Variants in REXO5 observed in about 807,000 individuals in gnomAD.
The protein encoded by REXO5 is RNA exonuclease 5, also known as exonuclease NEF-sp.
Under a neutral mutation model 88.5 loss-of-function variants are expected in REXO5, and 48 were observed. The observed-to-expected ratio is 0.54, with a 90% CI of 0.43 to 0.69. The LOEUF is 0.69. Ranked by LOEUF, REXO5 falls within the 30% of genes least tolerant of loss-of-function variation. The pLI is 0.00. For missense variants in REXO5, 749 were observed against 912.2 expected, an observed-to-expected ratio of 0.82 and a Z score of 2.30; for synonymous variants, 311 against 336.5, an observed-to-expected ratio of 0.92 and a Z score of 0.83.
Position 20,849,600 on chromosome 16 carries a change from TAA to T in REXO5, c.*123_*124del, listed in dbSNP as rs569362035. On this transcript the variant is annotated 3_prime_UTR_variant, in exon 20 of 20. Transcript: ENST00000261377. ...CTTTATGGAAACTTGGTATAGCAGC[TAA>T]AAGAGTTTAGTTTGTTTATATGGCA... 5.4e-4 allele frequency: 432 copies of T among 805,736 alleles called. 3 individuals are homozygous for T. In the East Asian group the frequency reaches 0.011, roughly 20 times the overall value. 49.9% of individuals were successfully genotyped at this position (805,736 alleles called of 1,614,324 possible).
intron 13 of REXO5, among the ~76,000 whole-genome samples, chr16:20,838,129 T>G (rs1225426908): frequency 6.6e-6 from 1 of 152,186 alleles, no homozygotes; most frequent in African/African-American, 2.4e-5. Flanking sequence ...TTTTACTGAT[T>G]TGTTTTTGAA....
At chr16:20,819,382 TCTTTCCTTTCCTTTCCTTTCTTTTC>T (rs2081131469) in intron 5 of REXO5, among the ~76,000 whole-genome samples, 1 of 151,854 alleles carries the variant, frequency 6.6e-6, no homozygotes, top group South Asian at 2.1e-4. Context: ...TTTCTTCATT[TCTTTCCTTTCCTTTCCTTTCTTTTC>T]CTTTCCTTTC....
At chr16:20,842,919 A>T (rs1399122399) in intron 15 of REXO5, among the ~76,000 whole-genome samples, 2 of 152,230 alleles carry the variant, frequency 1.3e-5, no homozygotes, top group Admixed American at 6.5e-5. Flanking sequence ...GAACCATTAT[A>T]CTGTTTTCCA....
chr16:20,832,115 T>C, intron 11 of REXO5, 41 bp from the exon 12 acceptor site: 1 of 1,324,130 alleles, frequency 7.6e-7, no homozygotes, highest in Non-Finnish European at 1.1e-6. Context: ...CATCAAATGC[T>C]CTGCAAGCAA....
At chr16:20,831,608 TA>T (rs2081346522) in intron 11 of REXO5, among the ~76,000 whole-genome samples, 1 of 152,222 alleles carries the variant, frequency 6.6e-6, no homozygotes, top group Non-Finnish European at 1.5e-5. Flanking sequence ...AGTTTATTTT[TA>T]AAATTTGTAA....
At chr16:20,820,213 A>C (rs1309634025) in intron 5 of REXO5, among the ~76,000 whole-genome samples, 4 of 152,030 alleles carry the variant, frequency 2.6e-5, no homozygotes, top group African/African-American at 4.8e-5. Context: ...TCCTATGCTC[A>C]TCTCTTGCAC....
In REXO5 at chr16:20,827,061, T is replaced by C; in HGVS notation, c.825T>C (p.Phe275=). The change falls in exon 9 of 20, where the codon TTT becomes TTC. Residue 275 remains phenylalanine (F), a synonymous_variant. Coordinates refer to ENST00000261377, the MANE Select transcript of REXO5 (RefSeq NM_030941.3). ...ENKILDYLTS[F]SGITKKILNP... is the part of the protein sequence containing the mutation. ...ATTTCTCTTTTTTTAATGAAAGCTT[T>C]TCGGGAATCACGAAGAAGATTCTTA... 5 of 1,613,908 alleles carry C rather than the reference T, an allele frequency of 3.1e-6. No homozygotes were observed. The highest frequency in any genetic ancestry group is 4.2e-6 in the Non-Finnish European group (5 of 1,179,904).
At chr16:20,837,891 A>G (rs11863657) in intron 13 of REXO5, among the ~76,000 whole-genome samples, 103,964 of 151,890 alleles carry the variant, frequency 0.68, 36,054 homozygotes, top group Non-Finnish European at 0.73. Context: ...TCAGCCACCC[A>G]AGTAGCTGGG....
rs776851247 is a variant in REXO5, at chr16:20,832,141, TTTG to T, written c.1159-12_1159-10del. The T allele has an allele frequency of 6.5e-7, 1 of 1,537,422 alleles. No individual in the cohort carries two copies. The highest frequency in any genetic ancestry group is 8.9e-7 in the Non-Finnish European group (1 of 1,121,480). On this transcript the variant is annotated splice_polypyrimidine_tract_variant and intron_variant, in intron 11 of 19. Transcript: ENST00000261377. The stretch of plus-strand genomic sequence containing the variant: ...CTGCAAGCAATTATATTTTTACCAC[TTTG>T]TTTTCTTCAAGATTGCAGAACTAAA...
At chr16:20,846,578 CT>C (rs1286750403) in intron 19 of REXO5, among the ~76,000 whole-genome samples, 41 of 152,308 alleles carry the variant, frequency 2.7e-4, no homozygotes, top group African/African-American at 9.9e-4. Flanking sequence ...AACCAGGAGT[CT>C]TATGTCCTTA....
Position 20,827,463 on chromosome 16 carries a change from T to C in REXO5, c.1055+16T>C. The C allele has an allele frequency of 6.4e-7, 1 of 1,571,794 alleles. No homozygotes were observed. Among genetic ancestry groups the C allele is most frequent in the South Asian group, 1.1e-5 (1 of 89,720 alleles). The stretch of plus-strand genomic sequence containing the variant: ...TTATTTTGGGGTAGGTTTGCTTATA[T>C]GCTGTAATATTGTTCTGACAAACTG... On this transcript the variant is annotated intron_variant, in intron 10 of 19. Coordinates refer to ENST00000261377, the MANE Select transcript of REXO5 (RefSeq NM_030941.3).
chr16:20,806,529 T>C lies in REXO5; in HGVS notation c.-179T>C, dbSNP rs1487174144. On this transcript the variant is annotated 5_prime_UTR_variant, in exon 1 of 20. Transcript: ENST00000261377. ...GCCCGCGAGGCTGAGGGGCGGTTGT[T>C]GTTGGCAGCTGTGGCTAAGGAGGGG... 6.5e-7 allele frequency: 1 copy of C among 1,531,412 alleles called. No individual in the cohort carries two copies. The highest frequency in any genetic ancestry group is 8.8e-7 in the Non-Finnish European group (1 of 1,140,550). The allele number at this position is 1,531,412 out of a possible 1,614,324, so 94.9% of individuals were successfully genotyped here.
In REXO5 at chr16:20,821,841, G is replaced by A; in HGVS notation, c.555G>A (p.Val185=). Residue 185 remains valine (V), a synonymous_variant, in exon 6 of 20, where the codon GTG becomes GTA. Transcript: ENST00000261377. The part of the protein sequence containing the change: ...PIIQKYGSKK[V]GLTRCLLTKE... ...TTCAAAAGTATGGCTCTAAGAAAGTGGGCTTGACCAGATGCCTTCTGACAA... is the reference window on the plus strand; with the variant it reads ...TTCAAAAGTATGGCTCTAAGAAAGTAGGCTTGACCAGATGCCTTCTGACAA... 2 of 1,607,176 alleles carry A rather than the reference G, an allele frequency of 1.2e-6. No individual in the cohort carries two copies. Among genetic ancestry groups the A allele is most frequent in the South Asian group, 2.2e-5 (2 of 89,746 alleles).
intron 7 of REXO5, 134 bp from the exon 8 acceptor site, chr16:20,825,699 C>G (rs1170964039): frequency 3.2e-6 from 2 of 633,560 alleles, no homozygotes; most frequent in Non-Finnish European, 5.5e-6. Flanking sequence ...ACTAGATCCT[C>G]TAGAAAGCAA....
At chr16:20,817,271 C>T (rs747444465) in intron 5 of REXO5, among the ~76,000 whole-genome samples, 5 of 152,156 alleles carry the variant, frequency 3.3e-5, no homozygotes, top group African/African-American at 4.8e-5. Context: ...CTCATGGATG[C>T]CCATTTTTGA....
intron 13 of REXO5, among the ~76,000 whole-genome samples, chr16:20,834,349 G>A (rs916533941): frequency 4.6e-5 from 7 of 152,276 alleles, no homozygotes; most frequent in South Asian, 4.1e-4. Flanking sequence ...TCGCTTGAGC[G>A]CAGGAGGTTG....
chr16:20,824,670 TCA>T, intron 7 of REXO5, 143 bp downstream of exon 7: 1 of 643,154 alleles, frequency 1.6e-6, no homozygotes, highest in Non-Finnish European at 2.7e-6. Flanking sequence ...GTCCTTTTAC[TCA>T]CACTTTAGAA....
chr16:20,847,907 G>A (rs951145597), intron 19 of REXO5, among the ~76,000 whole-genome samples: 3 of 152,164 alleles, frequency 2.0e-5, no homozygotes, highest in Non-Finnish European at 4.4e-5. Flanking sequence ...CCAAATCATT[G>A]TTCTTCCTGG....
chr16:20,833,009 A>C lies in REXO5; in HGVS notation c.1269A>C (p.Leu423Phe). 6.2e-7 allele frequency: 1 copy of C among 1,613,286 alleles called. No homozygotes were observed. Among genetic ancestry groups the C allele is most frequent in the Non-Finnish European group, 8.5e-7 (1 of 1,179,656 alleles). The change falls in exon 13 of 20, where the codon TTA becomes TTC. Residue 423 changes from leucine (L) to phenylalanine (F), a missense_variant. Leu to Phe is a conservative substitution (Grantham distance 22, BLOSUM62 0). Transcript: ENST00000261377. The stretch of plus-strand genomic sequence containing the variant: ...CTCTTCTACTTCTTTATAGTGTTTT[A>C]GAATGCTTGGATTCAGTGGGTCAGA... The part of the protein sequence containing the change: ...EVLQHPNTSV[L>F]ECLDSVGQKL...
Sources: allele counts gnomAD v4.1 joint callset (sites outside exome capture counted in the v4.1 genomes callset), GRCh38; gene constraint gnomAD v4.1.1; transcripts MANE v1.5; gene names NCBI Gene and HGNC (gene_info 2026-07-23, HGNC 2026-07-21).